CPNE5: variants seen among roughly 807,000 people sequenced by gnomAD.
CPNE5 encodes the protein copine 5, also known as copine-5.
In CPNE5, 42 loss-of-function variants were observed where a neutral mutation model predicts 81.1. The ratio of observed to expected loss-of-function variants is 0.52; its 90% CI spans 0.40 to 0.67. The LOEUF (loss-of-function observed/expected upper bound fraction) is 0.67, where lower values mean the gene tolerates loss of function less well. Among genes scored for constraint, CPNE5 ranks in the 30% least tolerant of loss-of-function variants. The pLI is 0.00. For synonymous variants in CPNE5, 313 were observed against 321.5 expected, an observed-to-expected ratio of 0.97 and a Z score of 0.28; for missense variants, 612 against 815.5, an observed-to-expected ratio of 0.75 and a Z score of 3.04.
intron 10 of CPNE5, among the ~76,000 whole-genome samples, chr6:36,768,794 G>C (rs1011645627): frequency 6.6e-6 from 1 of 152,204 alleles, no homozygotes. Flanking sequence ...AACCTAGGAG[G>C]CAGCAAAGTG....
At chr6:36,799,645 G>C (rs1769928509) in intron 4 of CPNE5, among the ~76,000 whole-genome samples, 1 of 152,158 alleles carries the variant, frequency 6.6e-6, no homozygotes, top group Non-Finnish European at 1.5e-5. Flanking sequence ...GGGGAGAAAA[G>C]GGCTCCCAGA....
intron 1 of CPNE5, among the ~76,000 whole-genome samples, chr6:36,832,722 T>TGG (rs1491267202): frequency 0.13 from 20,204 of 152,048 alleles, 1,582 homozygotes; most frequent in African/African-American, 0.2. Flanking sequence ...ATCAGTCAGA[T>TGG]TTTCTGTTAC....
chr6:36,788,151 C>T (rs1768748820), intron 8 of CPNE5, among the ~76,000 whole-genome samples: 2 of 151,836 alleles, frequency 1.3e-5, no homozygotes, highest in African/African-American at 4.8e-5. Flanking sequence ...CTACCCCAGC[C>T]TCCTGATTAG....
At chr6:36,834,131 C>T (rs892730878) in intron 1 of CPNE5, among the ~76,000 whole-genome samples, 3 of 150,658 alleles carry the variant, frequency 2.0e-5, no homozygotes, top group Non-Finnish European at 4.4e-5. Context: ...GGTGTGTGTG[C>T]GCCTGTAGTC....
chr6:36,798,022 T>C, intron 6 of CPNE5, 143 bp downstream of exon 6: 1 of 647,880 alleles, frequency 1.5e-6, no homozygotes, highest in Non-Finnish European at 2.8e-6. Flanking sequence ...GTGAGAGCAG[T>C]GAGGCATGGG....
Position 36,746,705 on chromosome 6 carries a change from A to T in CPNE5, c.1019-128T>A. On this transcript the variant is annotated intron_variant, in intron 15 of 20. Transcript: ENST00000244751. This position sits in a 1 kb window ranked among gnomAD's most constrained non-coding sequence, Gnocchi z 4.5. ...AATTCTTGACTCCTCTCTTTCTCTC[A>T]TACCCCATGTTAAATCCTTCAGCAA... 1.3e-6 allele frequency: 1 copy of T among 766,010 alleles called. No homozygotes were observed. Among genetic ancestry groups the T allele is most frequent in the Non-Finnish European group, 2.1e-6 (1 of 479,930 alleles). The allele number at this position is 766,010 out of a possible 1,614,324, so 47.5% of individuals were successfully genotyped here.
chr6:36,796,561 A>T (rs1301622712), intron 6 of CPNE5, among the ~76,000 whole-genome samples: 2 of 152,254 alleles, frequency 1.3e-5, no homozygotes, highest in Admixed American at 6.5e-5. Context: ...CATGGTTAAC[A>T]CTGAAGTGGG....
intron 10 of CPNE5, among the ~76,000 whole-genome samples, chr6:36,772,038 G>A (rs1406158832): frequency 6.6e-6 from 1 of 152,074 alleles, no homozygotes; most frequent in Non-Finnish European, 1.5e-5. Flanking sequence ...CTCCTCCAAC[G>A]GCCCAGTGGT....
At chr6:36,745,345 A>C in intron 17 of CPNE5, 43 bp downstream of exon 17, 4 of 1,583,556 alleles carry the variant, frequency 2.5e-6, no homozygotes, top group Non-Finnish European at 3.4e-6. Flanking sequence ...GTGTGGAAAC[A>C]GAGGCCTTGT....
chr6:36,797,350 C>T (rs1013762238), intron 6 of CPNE5, among the ~76,000 whole-genome samples: 7 of 152,336 alleles, frequency 4.6e-5, no homozygotes, highest in South Asian at 4.1e-4. Context: ...GCCCTGCCCA[C>T]GAGTGTCAAC....
intron 3 of CPNE5, among the ~76,000 whole-genome samples, chr6:36,812,930 G>A (rs1771226697): frequency 6.6e-6 from 1 of 152,218 alleles, no homozygotes; most frequent in Non-Finnish European, 1.5e-5. Context: ...CAATGCTGAT[G>A]GTCCACTCAT....
intron 6 of CPNE5, among the ~76,000 whole-genome samples, chr6:36,796,336 C>A (rs922894235): frequency 2.6e-5 from 4 of 152,216 alleles, no homozygotes; most frequent in African/African-American, 9.7e-5. Flanking sequence ...ACTCCCCCAC[C>A]CCCAGAGGGT....
chr6:36,777,955 C>T (rs1188058908), intron 9 of CPNE5, among the ~76,000 whole-genome samples: 5 of 152,086 alleles, frequency 3.3e-5, no homozygotes, highest in Non-Finnish European at 7.4e-5. Flanking sequence ...CTTTAAAACC[C>T]GCTTCCAATT....
intron 14 of CPNE5, 37 bp downstream of exon 14, chr6:36,752,997 C>G: frequency 6.4e-7 from 1 of 1,559,750 alleles, no homozygotes; most frequent in Non-Finnish European, 8.8e-7. Context: ...CTTTCCCTCT[C>G]CCCAAGGCCC....
intron 19 of CPNE5, 100 bp from the exon 20 acceptor site, chr6:36,743,862 G>A (rs1239052772): frequency 9.4e-7 from 1 of 1,063,064 alleles, no homozygotes; most frequent in Non-Finnish European, 1.4e-6. Flanking sequence ...GCCAATCCAG[G>A]GCCGAGACCA....
intron 8 of CPNE5, among the ~76,000 whole-genome samples, chr6:36,789,506 T>TGCACCAAGGCATGATGGATAC (rs1768899478): frequency 6.6e-6 from 1 of 152,336 alleles, no homozygotes; most frequent in African/African-American, 2.4e-5. Context: ...ACACTGAATT[T>TGCACCAAGGCATGATGGATAC]AGGTTCAAGG....
Position 36,746,540 on chromosome 6 carries a change from G to T in CPNE5, c.1056C>A (p.Ser352Arg). 1 of 1,613,730 alleles carries T rather than the reference G, an allele frequency of 6.2e-7. No homozygotes were observed. Among genetic ancestry groups the T allele is most frequent in the Non-Finnish European group, 8.5e-7 (1 of 1,179,728 alleles). The change falls in exon 16 of 21, where the codon AGC becomes AGA. Residue 352 changes from serine (S) to arginine (R), a missense_variant. Ser to Arg is a moderately radical substitution (Grantham distance 110). Coordinates refer to ENST00000244751, the MANE Select transcript of CPNE5 (RefSeq NM_020939.2). This position sits in a 1 kb window ranked among gnomAD's most constrained non-coding sequence, Gnocchi z 4.5. ...PSQSTSLHYM[S>R]PYQLNAYALA... ...GCGCGTAGGCGTTCAGCTGGTAGGG[G>T]CTCATGTAGTGCAGGGATGTGGACT...
intron 12 of CPNE5, among the ~76,000 whole-genome samples, chr6:36,759,734 A>G (rs890182552): frequency 3.3e-5 from 5 of 151,986 alleles, no homozygotes; most frequent in African/African-American, 1.2e-4. Flanking sequence ...CCTACCCAGG[A>G]GAAGACAAGA....
intron 3 of CPNE5, among the ~76,000 whole-genome samples, chr6:36,818,152 C>T (rs1171166646): frequency 6.6e-6 from 1 of 152,172 alleles, no homozygotes; most frequent in African/African-American, 2.4e-5. Context: ...CATATCTCCT[C>T]TGTTCCACAT....
Sources: gnomAD v4.1 joint callset for allele counts (sites outside exome capture counted in the v4.1 genomes callset) on GRCh38, gnomAD v4.1.1 for gene constraint, Gnocchi (gnomAD v3.1) non-coding constraint, MANE v1.5 for transcripts, NCBI Gene and HGNC (gene_info 2026-07-23, HGNC 2026-07-21) for gene names.